Variants in TRIP10 observed in about 807,000 individuals in gnomAD.
TRIP10 encodes the protein cdc42-interacting protein 4.
Under a neutral mutation model 80.9 loss-of-function variants are expected in TRIP10, and 54 were observed. The observed-to-expected ratio is 0.67, with a 90% confidence interval of 0.54 to 0.84. TRIP10 has a LOEUF of 0.84. Among genes scored for constraint, TRIP10 ranks in the 40% least tolerant of loss-of-function variants. The pLI is 0.00. For synonymous variants in TRIP10, 321 were observed against 307.2 expected, an observed-to-expected ratio of 1.04 and a Z score of -0.47; for missense variants, 773 against 815.3, an observed-to-expected ratio of 0.95 and a Z score of 0.63.
Position 6,746,643 on chromosome 19 carries a change from TTTTA to T in TRIP10, c.1262+90_1262+93del, listed in dbSNP as rs1300323910. 1.1e-6 allele frequency: 1 copy of T among 931,198 alleles called. No homozygotes were observed. The highest frequency in any genetic ancestry group is 2.5e-5 in the South Asian group (1 of 40,774). 57.7% of individuals were successfully genotyped at this position (931,198 alleles called of 1,614,324 possible). On this transcript the variant is annotated intron_variant, in intron 11 of 14. Coordinates refer to ENST00000313244, the MANE Select transcript of TRIP10 (RefSeq NM_001288962.2). The surrounding 1 kb of genome is among the most constrained non-coding windows in gnomAD (Gnocchi z 6.2). ...CTTCACTTATTTGTTTATTATTTTA[TTTTA>T]TTTATTTTATTATATTTTATTTTGT...
intron 11 of TRIP10, among the ~76,000 whole-genome samples, chr19:6,748,027 T>A (rs1969188759): frequency 6.6e-6 from 1 of 151,706 alleles, no homozygotes; most frequent in Non-Finnish European, 1.5e-5. Flanking sequence ...TTTATCCCAA[T>A]AATGCAAAGA....
At chr19:6,739,966 G>A (rs1968858769) in intron 1 of TRIP10, among the ~76,000 whole-genome samples, 181 bp downstream of exon 1, 2 of 152,150 alleles carry the variant, frequency 1.3e-5, no homozygotes, top group Admixed American at 1.3e-4. Context: ...GCTCAGGGGC[G>A]AAGGGCGACT....
intron 11 of TRIP10, among the ~76,000 whole-genome samples, chr19:6,747,525 G>A (rs975490373): frequency 2.0e-5 from 3 of 152,082 alleles, no homozygotes; most frequent in African/African-American, 7.2e-5. Flanking sequence ...AGCAAATCCA[G>A]TGTTTAAAAA....
At position 6,744,729 on chromosome 19, in the gene TRIP10, TAC is replaced by T; in HGVS notation, c.789+30_789+31del. 6.3e-7 allele frequency: 1 copy of T among 1,591,748 alleles called. No homozygotes were observed. The highest frequency in any genetic ancestry group is 8.6e-7 in the Non-Finnish European group (1 of 1,167,682). ...GGTGCCTGGTCTGGGTCCACTGGGCTACGGGAAGGGCAGAGGGAGGTACCCAT... is the reference window on the plus strand; with the variant it reads ...GGTGCCTGGTCTGGGTCCACTGGGCTGGGAAGGGCAGAGGGAGGTACCCAT... On this transcript the variant is annotated intron_variant, in intron 8 of 14. Coordinates refer to ENST00000313244, the MANE Select transcript of TRIP10 (RefSeq NM_001288962.2). This position sits in a 1 kb window ranked among gnomAD's most constrained non-coding sequence, Gnocchi z 4.9.
Position 6,746,404 on chromosome 19 carries a change from C to T in TRIP10, c.1153-48C>T, listed in dbSNP as rs1300825865. On this transcript the variant is annotated intron_variant, in intron 10 of 14. Transcript: ENST00000313244. This position sits in a 1 kb window ranked among gnomAD's most constrained non-coding sequence, Gnocchi z 6.2. ...TATCTCAGACGGGTGCAGAGTCTGG[C>T]AGGCTAGACTCCTTGATCCCAAATT... 2.5e-6 allele frequency: 4 copies of T among 1,601,560 alleles called. No individual in the cohort carries two copies. Among genetic ancestry groups the T allele is most frequent in the Middle Eastern group, 1.7e-4 (1 of 6,024 alleles).
chr19:6,741,312 T>C, intron 3 of TRIP10, 31 bp downstream of exon 3: 1 of 1,589,880 alleles, frequency 6.3e-7, no homozygotes, highest in East Asian at 2.3e-5. Context: ...CAGGGCTAGA[T>C]TTGTGGGGAA....
In TRIP10 at chr19:6,746,212, G is replaced by A. The variant is rs1969126212; in HGVS notation, c.1152+16G>A. On this transcript the variant is annotated intron_variant, in intron 10 of 14. Coordinates refer to ENST00000313244, the MANE Select transcript of TRIP10 (RefSeq NM_001288962.2). This position sits in a 1 kb window ranked among gnomAD's most constrained non-coding sequence, Gnocchi z 6.2. The stretch of plus-strand genomic sequence containing the variant: ...CAGCCGTGGGGTAAGTGAGGCCTCG[G>A]GGCAGGAGGAGGTGGTGGCCCTAGC... 1 of 1,513,872 alleles carries A rather than the reference G, an allele frequency of 6.6e-7. No homozygotes were observed. Among genetic ancestry groups the A allele is most frequent in the Non-Finnish European group, 8.9e-7 (1 of 1,124,940 alleles). The allele number at this position is 1,513,872 out of a possible 1,614,324, so 93.8% of individuals were successfully genotyped here. A position where few individuals can be genotyped will look rare whatever the true frequency, so the allele number is the denominator to read the frequency against.
chr19:6,743,824 C>T lies in TRIP10; in HGVS notation c.630C>T (p.Pro210=), dbSNP rs141549374. 296 of 1,613,930 alleles carry T rather than the reference C, an allele frequency of 1.8e-4. 1 individual carries two copies. The African/African-American group carries it at 3.6e-3, about 19-fold the overall frequency. ...CCCACTTCTATTTTTCACAGATGCC[C>T]CAGATATTCGATGTGAGTGCTCCCA... ...DQAHFYFSQM[P]QIFDKLQDMD... The change falls in exon 7 of 15, where the codon CCC becomes CCT. Residue 210 remains proline (P), a synonymous_variant. Transcript: ENST00000313244.
intron 5 of TRIP10, 99 bp from the exon 6 acceptor site, chr19:6,743,394 AC>A: frequency 6.6e-7 from 1 of 1,517,692 alleles, no homozygotes. Context: ...CTTGACCCCT[AC>A]TTACTGGATG....
At position 6,739,738 on chromosome 19, in the gene TRIP10, TGCGGCGGCG is replaced by T. The variant is rs753346859; in HGVS notation, c.-16_-8del. On this transcript the variant is annotated 5_prime_UTR_variant, in exon 1 of 15. Transcript: ENST00000313244. The stretch of plus-strand genomic sequence containing the variant: ...GGCGGGGACCGGGTGCGGTGGTGGC[TGCGGCGGCG>T]GCGGCGGGAGCAGCATGGATTGGGG... 37 of 1,348,772 alleles carry T rather than the reference TGCGGCGGCG, an allele frequency of 2.7e-5. No individual in the cohort carries two copies. Among genetic ancestry groups the T allele is most frequent in the Non-Finnish European group, 3.6e-5 (37 of 1,039,666 alleles). The allele number at this position is 1,348,772 out of a possible 1,614,324, so 83.6% of individuals were successfully genotyped here. A position where few individuals can be genotyped will look rare whatever the true frequency, so the allele number is the denominator to read the frequency against.
intron 1 of TRIP10, among the ~76,000 whole-genome samples, chr19:6,740,015 C>A (rs173174): frequency 0.34 from 51,290 of 151,958 alleles, 8,860 homozygotes; most frequent in African/African-American, 0.41. Flanking sequence ...CACAGGGTTG[C>A]GAATGAGGCG....
Position 6,746,365 on chromosome 19 carries a change from G to A in TRIP10, c.1153-87G>A. ...CTTCGCTGTCAAGAACCATGGCTGG[G>A]GAAGGGAGTGAAATATCTCAGACGG... is the stretch of plus-strand genomic sequence containing the variant. On this transcript the variant is annotated intron_variant, in intron 10 of 14. Transcript: ENST00000313244. The surrounding 1 kb of genome is among the most constrained non-coding windows in gnomAD (Gnocchi z 6.2). The A allele has an allele frequency of 7.0e-6, 11 of 1,567,928 alleles. No individual in the cohort carries two copies. In the Admixed American group the frequency reaches 7.4e-5, roughly 11 times the overall value.
rs1969263697 is a variant in TRIP10, at chr19:6,750,624, C to T, written c.1648C>T (p.His550Tyr). Residue 550 changes from histidine to tyrosine, a missense_variant, in exon 14 of 15, where the codon CAC becomes TAC. By Grantham distance (83) the His-to-Tyr change is moderately conservative (BLOSUM62 2). Coordinates refer to ENST00000313244, the MANE Select transcript of TRIP10 (RefSeq NM_001288962.2). ...SPIGHCVAIY[H>Y]FEGSSEGTIS... ...CATAGGTCACTGTGTGGCCATCTAC[C>T]ACTTTGAAGGTGAGAACGGCCAGAG... 1.2e-6 allele frequency: 2 copies of T among 1,614,114 alleles called. No homozygotes were observed. Among genetic ancestry groups the T allele is most frequent in the East Asian group, 4.5e-5 (2 of 44,890 alleles).
rs144230339 is a variant in TRIP10 at position 6,743,077 on chromosome 19, C to T, written c.308C>T (p.Thr103Ile). Residue 103 changes from threonine (T) to isoleucine (I), a missense_variant, in exon 4 of 15, where the codon ACC (threonine) becomes ATC (isoleucine). Physicochemically the swap from Thr to Ile is moderately conservative, Grantham distance 89. Coordinates refer to ENST00000313244, the MANE Select transcript of TRIP10 (RefSeq NM_001288962.2). ...NLSVRVCLEL[T>I]KYSQEMKQER... is the part of the protein sequence containing the mutation. ...AGTGTCCGTGTATGTCTTGAGCTGA[C>T]CAAGTACTCACAAGAGATGAAACAG... 4 of 1,614,050 alleles carry T rather than the reference C, an allele frequency of 2.5e-6. No homozygotes were observed. Among genetic ancestry groups the T allele is most frequent in the African/African-American group, 1.3e-5 (1 of 74,906 alleles).
Position 6,741,282 on chromosome 19 carries a change from G to A in TRIP10, c.197+1G>A, listed in dbSNP as rs113012802. On this transcript the variant is annotated splice_donor_variant, in intron 3 of 14. Coordinates refer to ENST00000313244, the MANE Select transcript of TRIP10 (RefSeq NM_001288962.2). LOFTEE classifies it high-confidence loss of function. ...CTGCCAAGGATGATCCTGAGTCCAA[G>A]TAAGGTTGGAGAGGGGCTGCAGGGC... 1 of 1,607,904 alleles carries A rather than the reference G, an allele frequency of 6.2e-7. No individual in the cohort carries two copies. The highest frequency in any genetic ancestry group is 8.5e-7 in the Non-Finnish European group (1 of 1,177,018).
chr19:6,750,467 G>A, intron 13 of TRIP10, 36 bp downstream of exon 13: 4 of 1,613,894 alleles, frequency 2.5e-6, no homozygotes, highest in Non-Finnish European at 2.5e-6. Flanking sequence ...TGTTCCCAGG[G>A]TCCCAGGAGG....
At position 6,746,392 on chromosome 19, in the gene TRIP10, T is replaced by C; in HGVS notation, c.1153-60T>C. The C allele has an allele frequency of 1.9e-6, 3 of 1,587,784 alleles. No individual in the cohort carries two copies. The highest frequency in any genetic ancestry group is 2.6e-6 in the Non-Finnish European group (3 of 1,158,864). On this transcript the variant is annotated intron_variant, in intron 10 of 14. Transcript: ENST00000313244. This position sits in a 1 kb window ranked among gnomAD's most constrained non-coding sequence, Gnocchi z 6.2. ...AAGGGAGTGAAATATCTCAGACGGG[T>C]GCAGAGTCTGGCAGGCTAGACTCCT...
chr19:6,741,483 C>T (rs1317536155), intron 3 of TRIP10, among the ~76,000 whole-genome samples: 2 of 152,168 alleles, frequency 1.3e-5, no homozygotes, highest in Admixed American at 1.3e-4. Context: ...GGGCTTGTGA[C>T]TCAGGTTTTC....
Position 6,739,714 on chromosome 19 carries a change from G to GGGGGGGC in TRIP10, c.-48_-47insGGGGGGC. 7.7e-7 allele frequency: 1 copy of GGGGGGGC among 1,293,354 alleles called. No homozygotes were observed. Among genetic ancestry groups the GGGGGGGC allele is most frequent in the Non-Finnish European group, 9.8e-7 (1 of 1,017,064 alleles). The allele number at this position is 1,293,354 out of a possible 1,614,324, so 80.1% of individuals were successfully genotyped here. Reference sequence around the variant, plus strand: ...CGGGGAGGGCGGCGGGCGGCGGGCGGCGGGGACCGGGTGCGGTGGTGGCTG... The same window carrying GGGGGGGC: ...CGGGGAGGGCGGCGGGCGGCGGGCGGGGGGGGCCGGGGACCGGGTGCGGTGGTGGCTG... On this transcript the variant is annotated 5_prime_UTR_variant, in exon 1 of 15. Coordinates refer to ENST00000313244, the MANE Select transcript of TRIP10 (RefSeq NM_001288962.2).
Sources: gnomAD v4.1 joint callset for allele counts (sites outside exome capture counted in the v4.1 genomes callset) on GRCh38, gnomAD v4.1.1 for gene constraint, Gnocchi (gnomAD v3.1) non-coding constraint, MANE v1.5 for transcripts, NCBI Gene and HGNC (gene_info 2026-07-23, HGNC 2026-07-21) for gene names.